TMEM244: variants seen among roughly 807,000 people sequenced by gnomAD.
The protein encoded by TMEM244 is transmembrane protein 244.
TMEM244 carries 13 observed loss-of-function variants against 15.8 expected under a neutral mutation model. The ratio of observed to expected loss-of-function variants is 0.82; its 90% CI spans 0.53 to 1.30. TMEM244 has a LOEUF of 1.30. Among genes scored for constraint, TMEM244 ranks in the 50% most tolerant of loss-of-function variants. The pLI is 0.00. For missense variants in TMEM244, 161 were observed against 144.9 expected (o/e 1.11, Z -0.57); for synonymous variants, 45 against 48.7 (o/e 0.92, Z 0.32).
chr6:129,834,734 T>C (rs1776379382), intron 3 of TMEM244, among the ~76,000 whole-genome samples: 1 of 152,210 alleles, frequency 6.6e-6, no homozygotes, highest in Non-Finnish European at 1.5e-5. Flanking sequence ...GGAATTCCTT[T>C]GATCAGTGGA....
At chr6:129,832,617 T>C (rs1776345437) in intron 4 of TMEM244, among the ~76,000 whole-genome samples, 1 of 152,170 alleles carries the variant, frequency 6.6e-6, no homozygotes, top group South Asian at 2.1e-4. Context: ...GATGAAATAT[T>C]CATTTACTGA....
At chr6:129,846,572 C>T (rs559390481) in intron 1 of TMEM244, among the ~76,000 whole-genome samples, 1 of 152,088 alleles carries the variant, frequency 6.6e-6, no homozygotes, top group East Asian at 1.9e-4. Context: ...CTCTTACCCT[C>T]CATTCACTGG....
chr6:129,853,824 A>G (rs1776668008), intron 1 of TMEM244, among the ~76,000 whole-genome samples: 1 of 152,226 alleles, frequency 6.6e-6, no homozygotes, highest in South Asian at 2.1e-4. Flanking sequence ...TGCACGTGGC[A>G]TCCCTAAGGA....
intron 4 of TMEM244, among the ~76,000 whole-genome samples, chr6:129,832,093 C>CTTTTTTTTT (rs1177577598): frequency 1.8e-5 from 2 of 114,164 alleles, no homozygotes; most frequent in Non-Finnish European, 1.8e-5. Context: ...ACAGATTGTA[C>CTTTTTTTTT]TTTTTTTTTT....
At chr6:129,853,281 C>T (rs1776659220) in intron 1 of TMEM244, among the ~76,000 whole-genome samples, 1 of 151,944 alleles carries the variant, frequency 6.6e-6, no homozygotes, top group South Asian at 2.1e-4. Context: ...GAATTAACGG[C>T]TCCTCTCTTT....
intron 3 of TMEM244, among the ~76,000 whole-genome samples, 161 bp from the exon 4 acceptor site, chr6:129,833,746 A>G (rs1215583066): frequency 6.6e-6 from 1 of 152,246 alleles, no homozygotes; most frequent in Non-Finnish European, 1.5e-5. Flanking sequence ...GGATAAAACA[A>G]TTAACATATT....
At chr6:129,848,553 A>G (rs954366271) in intron 1 of TMEM244, among the ~76,000 whole-genome samples, 3 of 152,128 alleles carry the variant, frequency 2.0e-5, no homozygotes, top group African/African-American at 7.2e-5. Context: ...GAAATAGCTA[A>G]AAGCCCTCAT....
rs182357896 is a variant in TMEM244, at chr6:129,859,741, A to C, written c.33+1415T>G. Among the ~76,000 whole-genome samples the C allele has an allele frequency of 2.6e-4, 39 of 152,292 alleles. No homozygotes were observed. The East Asian group carries it at 6.9e-3, about 27-fold the overall frequency. ...CTTGAGTCAGCTTTTCTGTCATTTA[A>C]AGTGTACAGATAGGGGGGATTTAAT... On this transcript the variant is annotated intron_variant, in intron 1 of 4. Coordinates refer to ENST00000368143, the MANE Select transcript of TMEM244 (RefSeq NM_001010876.2).
intron 1 of TMEM244, among the ~76,000 whole-genome samples, chr6:129,859,014 C>A (rs1321062677): frequency 6.6e-6 from 1 of 152,030 alleles, no homozygotes; most frequent in African/African-American, 2.4e-5. Context: ...AGGCTGGTAT[C>A]GAACTCCTGA....
intron 1 of TMEM244, among the ~76,000 whole-genome samples, chr6:129,853,913 C>A (rs1314293624): frequency 1.3e-5 from 2 of 152,156 alleles, no homozygotes; most frequent in Admixed American, 6.6e-5. Context: ...ACTGGCTTGA[C>A]GGGGCATAAT....
At chr6:129,852,033 T>C (rs1584190702) in intron 1 of TMEM244, among the ~76,000 whole-genome samples, 1 of 152,160 alleles carries the variant, frequency 6.6e-6, no homozygotes, top group South Asian at 2.1e-4. Flanking sequence ...TCTTTAAAGA[T>C]GCATAAGGAC....
At chr6:129,839,831 T>A (rs189929949) in intron 3 of TMEM244, among the ~76,000 whole-genome samples, 168 of 152,284 alleles carry the variant, frequency 1.1e-3, no homozygotes, top group Admixed American at 1.8e-3. Context: ...CATTCACAAT[T>A]GCTACAAAGA....
chr6:129,837,672 A>G (rs948941087), intron 3 of TMEM244, among the ~76,000 whole-genome samples: 1 of 152,206 alleles, frequency 6.6e-6, no homozygotes. Flanking sequence ...GCTGTATTCA[A>G]GAGACCCATC....
At chr6:129,837,437 A>G (rs2063730414) in intron 3 of TMEM244, among the ~76,000 whole-genome samples, 1 of 152,332 alleles carries the variant, frequency 6.6e-6, no homozygotes, top group Middle Eastern at 3.4e-3. Flanking sequence ...CTAAACATGG[A>G]AAGGAACAAC....
Position 129,833,469 on chromosome 6 carries a change from T to A in TMEM244, c.310A>T (p.Thr104Ser). 6.2e-7 allele frequency: 1 copy of A among 1,611,468 alleles called. No homozygotes were observed. Among genetic ancestry groups the A allele is most frequent in the South Asian group, 1.1e-5 (1 of 90,434 alleles). Reference sequence around the variant, plus strand: ...ATTTTATTCTGCTTACCAGTTGAAGTGATGGCAACATGAAGAATAGTGACT... The same window carrying A: ...ATTTTATTCTGCTTACCAGTTGAAGAGATGGCAACATGAAGAATAGTGACT... ...ISVTILHVAITSTVMLEFPLT... is the reference protein window; with the variant it reads ...ISVTILHVAISSTVMLEFPLT... Residue 104 changes from threonine (T) to serine (S), a missense_variant, in exon 4 of 5, where the codon ACT becomes TCT. Physicochemically the swap from Thr to Ser is moderately conservative, Grantham distance 58. Transcript: ENST00000368143.
At chr6:129,857,794 T>C (rs1776736198) in intron 1 of TMEM244, among the ~76,000 whole-genome samples, 1 of 149,068 alleles carries the variant, frequency 6.7e-6, no homozygotes. Context: ...GTATGTGTGG[T>C]TTTTTATATA....
chr6:129,832,854 T>C lies in TMEM244; in HGVS notation c.319+606A>G, dbSNP rs551172732. 2.6e-5 allele frequency among the ~76,000 whole-genome samples: 4 copies of C among 152,296 alleles called. No homozygotes were observed. In the East Asian group the frequency reaches 7.7e-4, roughly 29 times the overall value. On this transcript the variant is annotated intron_variant, in intron 4 of 4. Coordinates refer to ENST00000368143, the MANE Select transcript of TMEM244 (RefSeq NM_001010876.2). Reference sequence around the variant, plus strand: ...CTTAATCTAAGAACTGGTATTTATTTTAAAATAACTATTGTTGGATAGGCG... The same window carrying C: ...CTTAATCTAAGAACTGGTATTTATTCTAAAATAACTATTGTTGGATAGGCG...
At position 129,844,763 on chromosome 6, in the gene TMEM244, G is replaced by A. The variant is rs368940944; in HGVS notation, c.119+1004C>T. 2.3e-4 allele frequency among the ~76,000 whole-genome samples: 35 copies of A among 152,346 alleles called. No individual in the cohort carries two copies. The South Asian group carries it at 3.5e-3, about 15-fold the overall frequency. On this transcript the variant is annotated intron_variant, in intron 2 of 4. Coordinates refer to ENST00000368143, the MANE Select transcript of TMEM244 (RefSeq NM_001010876.2). The stretch of plus-strand genomic sequence containing the variant: ...CCCAGGGAGGAGGCTGAGGCTGCAC[G>A]TGAGCGCCAGATACTTCCTCCGTGG...
chr6:129,845,069 A>T (rs930881363), intron 2 of TMEM244, among the ~76,000 whole-genome samples: 1 of 152,218 alleles, frequency 6.6e-6, no homozygotes, highest in African/African-American at 2.4e-5. Flanking sequence ...TTACACTTAC[A>T]TAAAAATGAT....
Sources: allele counts gnomAD v4.1 joint callset (sites outside exome capture counted in the v4.1 genomes callset), GRCh38; gene constraint gnomAD v4.1.1; transcripts MANE v1.5; gene names NCBI Gene and HGNC (gene_info 2026-07-23, HGNC 2026-07-21).